SRC: variants seen among roughly 807,000 people sequenced by gnomAD.
The protein encoded by SRC is proto-oncogene tyrosine-protein kinase Src.
Under a neutral mutation model 62.9 loss-of-function variants are expected in SRC, and 13 were observed. That is an observed-to-expected ratio of 0.21 (90% confidence interval 0.13 to 0.33). SRC has a LOEUF of 0.33. Among genes scored for constraint, SRC ranks in the 10% least tolerant of loss-of-function variants. The pLI is 1.00. For missense variants in SRC, 457 were observed against 737.3 expected (o/e 0.62, Z 4.40); for synonymous variants, 302 against 317.5 (o/e 0.95, Z 0.52).
chr20:37,371,899 C>T (rs1484792103), intron 2 of SRC, among the ~76,000 whole-genome samples: 1 of 151,976 alleles, frequency 6.6e-6, no homozygotes, highest in East Asian at 1.9e-4. Context: ...GATGGGGTTT[C>T]ACCATGTTGG....
chr20:37,396,392 G>C lies in SRC; in HGVS notation c.703+81G>C, dbSNP rs2070651587. 1 of 1,544,702 alleles carries C rather than the reference G, an allele frequency of 6.5e-7. No individual in the cohort carries two copies. Among genetic ancestry groups the C allele is most frequent in the East Asian group, 2.3e-5 (1 of 44,134 alleles). ...TGGGGAGGGGCCTTGGAGCCTAGAA[G>C]GGTGGGGACTTCTGTTATCCTGCTT... On this transcript the variant is annotated intron_variant, in intron 8 of 13. Coordinates refer to ENST00000373578, the MANE Select transcript of SRC (RefSeq NM_198291.3). This position sits in a 1 kb window ranked among gnomAD's most constrained non-coding sequence, Gnocchi z 6.1.
At chr20:37,358,598 G>A (rs936318675) in intron 1 of SRC, among the ~76,000 whole-genome samples, 1 of 152,234 alleles carries the variant, frequency 6.6e-6, no homozygotes, top group Non-Finnish European at 1.5e-5. Flanking sequence ...TCCAGGCCCT[G>A]CACAGGTCCC....
At chr20:37,383,090 A>G (rs1458585192) in intron 3 of SRC, among the ~76,000 whole-genome samples, 2 of 152,248 alleles carry the variant, frequency 1.3e-5, no homozygotes, top group Non-Finnish European at 2.9e-5. Flanking sequence ...GCAGTGAACA[A>G]GATGAACAAA....
At chr20:37,364,939 C>G (rs1203691796) in intron 1 of SRC, among the ~76,000 whole-genome samples, 2 of 152,148 alleles carry the variant, frequency 1.3e-5, no homozygotes. Context: ...AAGCCCTTCG[C>G]AAATGCTGCC....
chr20:37,356,884 G>C (rs1395687687), intron 1 of SRC, among the ~76,000 whole-genome samples: 2 of 152,320 alleles, frequency 1.3e-5, no homozygotes, highest in African/African-American at 4.8e-5. Context: ...TTTGTTACCT[G>C]CTGGCTGGCA....
chr20:37,379,820 C>T (rs1207701534), intron 2 of SRC, among the ~76,000 whole-genome samples: 47 of 141,228 alleles, frequency 3.3e-4, no homozygotes, highest in Non-Finnish European at 6.1e-5. Flanking sequence ...CGCTGGAACC[C>T]GGGAGGCGGA....
At chr20:37,348,532 G>C (rs2069755510) in intron 1 of SRC, among the ~76,000 whole-genome samples, 1 of 152,190 alleles carries the variant, frequency 6.6e-6, no homozygotes, top group South Asian at 2.1e-4. Context: ...GGGAGCTGTG[G>C]GAGTCATGGA....
chr20:37,383,458 A>T (rs534512920), intron 3 of SRC, among the ~76,000 whole-genome samples: 1 of 152,186 alleles, frequency 6.6e-6, no homozygotes, highest in South Asian at 2.1e-4. Context: ...ACAAACCCTC[A>T]ATGAGCCCCC....
In SRC at chr20:37,402,330, G is replaced by C; in HGVS notation, c.1117-105G>C. ...GACCTCACTTGCCTGAAGAAGTGTG[G>C]GGAGGGTGGGGAAGGGGTGGTTGGC... On this transcript the variant is annotated intron_variant, in intron 11 of 13. Coordinates refer to ENST00000373578, the MANE Select transcript of SRC (RefSeq NM_198291.3). This position sits in a 1 kb window ranked among gnomAD's most constrained non-coding sequence, Gnocchi z 6.2. 7.1e-7 allele frequency: 1 copy of C among 1,400,100 alleles called. No homozygotes were observed. Among genetic ancestry groups the C allele is most frequent in the Non-Finnish European group, 9.8e-7 (1 of 1,024,482 alleles). The allele number at this position is 1,400,100 out of a possible 1,614,324, so 86.7% of individuals were successfully genotyped here. A position where few individuals can be genotyped will look rare whatever the true frequency, so the allele number is the denominator to read the frequency against.
chr20:37,390,289 G>A (rs1426292566), intron 5 of SRC, among the ~76,000 whole-genome samples: 6 of 152,012 alleles, frequency 3.9e-5, no homozygotes, highest in Non-Finnish European at 7.4e-5. Context: ...TTTTTAAAAA[G>A]GGTCACTGTG....
At position 37,402,204 on chromosome 20, in the gene SRC, C is replaced by G. The variant is rs1334087479; in HGVS notation, c.1117-231C>G. ...TGGCTGCATCGGATCTCGTGCCTCC[C>G]CTTTGACCTTTGCCTTCTGCCCTCT... On this transcript the variant is annotated intron_variant, in intron 11 of 13. Transcript: ENST00000373578. This position sits in a 1 kb window ranked among gnomAD's most constrained non-coding sequence, Gnocchi z 6.2. 1 of 504,836 alleles carries G rather than the reference C, an allele frequency of 2.0e-6. No homozygotes were observed. Among genetic ancestry groups the G allele is most frequent in the East Asian group, 3.4e-5 (1 of 29,350 alleles). 31.3% of individuals were successfully genotyped at this position (504,836 alleles called of 1,614,324 possible). A position where few individuals can be genotyped will look rare whatever the true frequency, so the allele number is the denominator to read the frequency against.
At chr20:37,357,781 G>A (rs1236740472) in intron 1 of SRC, among the ~76,000 whole-genome samples, 1 of 152,256 alleles carries the variant, frequency 6.6e-6, no homozygotes, top group Non-Finnish European at 1.5e-5. Context: ...AGCAAGGCCT[G>A]TCTGAGCAGA....
Position 37,396,115 on chromosome 20 carries a change from C to G in SRC, c.554-47C>G. The G allele has an allele frequency of 1.3e-6, 2 of 1,597,130 alleles. No individual in the cohort carries two copies. The highest frequency in any genetic ancestry group is 2.2e-5 in the South Asian group (2 of 90,224). On this transcript the variant is annotated intron_variant, in intron 7 of 13. Coordinates refer to ENST00000373578, the MANE Select transcript of SRC (RefSeq NM_198291.3). This position sits in a 1 kb window ranked among gnomAD's most constrained non-coding sequence, Gnocchi z 6.1. ...GAACGGTGTCCAGAGCAGCGGCCTG[C>G]GGGGGGAGAGGGCATGGCGGTCACG...
At chr20:37,388,635 C>A (rs935596170) in intron 5 of SRC, among the ~76,000 whole-genome samples, 2 of 152,198 alleles carry the variant, frequency 1.3e-5, no homozygotes, top group South Asian at 4.1e-4. Flanking sequence ...GTGGTCCCAG[C>A]TACTCAGGAG....
chr20:37,390,677 T>C (rs2044766076), intron 5 of SRC, among the ~76,000 whole-genome samples: 1 of 152,156 alleles, frequency 6.6e-6, no homozygotes, highest in Admixed American at 6.5e-5. Flanking sequence ...AGTGTTGGGA[T>C]CACAGGCGTG....
chr20:37,384,700 T>C lies in SRC; in HGVS notation c.250+297T>C, dbSNP rs13038224. 1 allele frequency among the ~76,000 whole-genome samples: 152,169 copies of C among 152,170 alleles called. 76,084 individuals carry two copies. The highest frequency in any genetic ancestry group is 1 in the Non-Finnish European group (67,984 of 67,984). On this transcript the variant is annotated intron_variant, in intron 4 of 13. Coordinates refer to ENST00000373578, the MANE Select transcript of SRC (RefSeq NM_198291.3). This position sits in a 1 kb window ranked among gnomAD's most constrained non-coding sequence, Gnocchi z 6.7. ...GAAGGGCGGCGCGGGACCGGGCCTG[T>C]TGCTGCCTTGGCGCCCAGTCCTTTT...
At chr20:37,401,013 T>C (rs1295165792) in intron 10 of SRC, among the ~76,000 whole-genome samples, 2 of 152,186 alleles carry the variant, frequency 1.3e-5, no homozygotes, top group Non-Finnish European at 2.9e-5. Context: ...TTTTTATTTT[T>C]TGAGATGAGG....
At chr20:37,388,162 A>G (rs539034287) in intron 5 of SRC, among the ~76,000 whole-genome samples, 1 of 152,338 alleles carries the variant, frequency 6.6e-6, no homozygotes, top group African/African-American at 2.4e-5. Context: ...CAGCTGGGGC[A>G]GAGCTGTGGA....
chr20:37,395,300 T>A (rs576753484), intron 7 of SRC, among the ~76,000 whole-genome samples: 1 of 151,912 alleles, frequency 6.6e-6, no homozygotes, highest in African/African-American at 2.4e-5. Flanking sequence ...GAGGGGGAGG[T>A]CTGTGGGCTA....
Sources: gnomAD v4.1 joint callset for allele counts (sites outside exome capture counted in the v4.1 genomes callset) on GRCh38, gnomAD v4.1.1 for gene constraint, Gnocchi (gnomAD v3.1) non-coding constraint, MANE v1.5 for transcripts, NCBI Gene and HGNC (gene_info 2026-07-23, HGNC 2026-07-21) for gene names.